The following CPSF3 variants were observed in gnomAD, a reference collection of about 807,000 sequenced individuals.
The protein encoded by CPSF3 is cleavage and polyadenylation specificity factor subunit 3.
CPSF3 carries 57 observed loss-of-function variants against 84.1 expected under a neutral mutation model. The ratio of observed to expected loss-of-function variants is 0.68; its 90% confidence interval spans 0.55 to 0.85. CPSF3 has a LOEUF of 0.85. CPSF3 is among the 40% of genes least tolerant of loss of function. CPSF3 has a pLI of 0.00. For missense variants in CPSF3, 522 were observed against 838.8 expected (o/e 0.62, Z 4.66); for synonymous variants, 275 against 278.1 (o/e 0.99, Z 0.11).
intron 4 of CPSF3, among the ~76,000 whole-genome samples, chr2:9,431,142 A>T (rs568025524): frequency 3.2e-4 from 48 of 151,996 alleles, no homozygotes; most frequent in Middle Eastern, 3.4e-3. Flanking sequence ...CTGCAGCCTC[A>T]GCCACCTGGG....
At chr2:9,446,580 CAAAA>C (rs71389245) in intron 10 of CPSF3, among the ~76,000 whole-genome samples, 1 of 89,154 alleles carries the variant, frequency 1.1e-5, no homozygotes. Context: ...GACTCGGTCT[CAAAA>C]AAAAAAAAAA....
intron 1 of CPSF3, chr2:9,424,255 C>G (rs1241345192): frequency 1.7e-5 from 17 of 989,764 alleles, no homozygotes; most frequent in Non-Finnish European, 1.9e-5. Flanking sequence ...AAGTCTGTTT[C>G]TTAACACCAG....
At position 9,432,629 on chromosome 2, in the gene CPSF3, T is replaced by TA. The variant is rs2148936357; in HGVS notation, c.461dup (p.Tyr154Ter). The part of the protein sequence containing the change: ...KEVAGIKFWC[Y>*]HAGHVLGAAM... ...AGTTGCGGGAATCAAGTTTTGGTGT[T>TA]ACCATGCAGGTCACGTCCTAGGAGC... The change falls in exon 5 of 18, where the codon TAC becomes TAAC. Residue 154 changes from tyrosine (Y) to a stop codon, truncating the protein, a stop_gained and frameshift_variant. Coordinates refer to ENST00000238112, the MANE Select transcript of CPSF3 (RefSeq NM_016207.4). LOFTEE classifies it high-confidence loss of function. 6.3e-7 allele frequency: 1 copy of TA among 1,584,450 alleles called. No homozygotes were observed. Among genetic ancestry groups the TA allele is most frequent in the East Asian group, 2.3e-5 (1 of 44,368 alleles).
At position 9,448,342 on chromosome 2, in the gene CPSF3, C is replaced by T; in HGVS notation, c.1387C>T (p.Leu463=). The T allele has an allele frequency of 2.5e-6, 4 of 1,611,260 alleles. No individual in the cohort carries two copies. Among genetic ancestry groups the T allele is most frequent in the Non-Finnish European group, 3.4e-6 (4 of 1,178,648 alleles). ...GACCTTAAACTTCAGAGGAGAAAAA[C>T]TAGCCAAGGTAAAAGGTTATGGTTC... is the stretch of plus-strand genomic sequence containing the variant. ...AVTLNFRGEK[L]AKVMGFLADK... Residue 463 remains leucine, a synonymous_variant, in exon 11 of 18, where the codon CTA becomes TTA. Coordinates refer to ENST00000238112, the MANE Select transcript of CPSF3 (RefSeq NM_016207.4).
rs181141404 is a variant in CPSF3, at chr2:9,436,927, C to T, written c.760+566C>T. 3.5e-3 allele frequency among the ~76,000 whole-genome samples: 539 copies of T among 151,968 alleles called. 5 individuals are homozygous for T. Among genetic ancestry groups the T allele is most frequent in the African/African-American group, 0.012 (510 of 41,438 alleles). The stretch of plus-strand genomic sequence containing the variant: ...ATGTGTACCCTTTGGCCAGCAGTTC[C>T]GCTTCTGGGAAATAAATGAGATGTA... On this transcript the variant is annotated intron_variant, in intron 7 of 17. Coordinates refer to ENST00000238112, the MANE Select transcript of CPSF3 (RefSeq NM_016207.4).
chr2:9,436,076 A>T (rs1281017436), intron 6 of CPSF3, 135 bp from the exon 7 acceptor site: 6 of 733,066 alleles, frequency 8.2e-6, no homozygotes, highest in Admixed American at 6.0e-5. Flanking sequence ...TACTATTATG[A>T]CAACACATGT....
intron 14 of CPSF3, among the ~76,000 whole-genome samples, chr2:9,457,957 C>G (rs1681588038): frequency 6.6e-6 from 1 of 151,994 alleles, no homozygotes; most frequent in Non-Finnish European, 1.5e-5. Context: ...GGTTTCACCA[C>G]ATTGGCCAGG....
intron 14 of CPSF3, 136 bp downstream of exon 14, chr2:9,457,163 G>T: frequency 2.2e-6 from 1 of 455,392 alleles, no homozygotes; most frequent in South Asian, 4.5e-5. Context: ...GTGTGTGTGT[G>T]TGTGTGTGTG....
At chr2:9,440,454 A>G in intron 7 of CPSF3, 37 bp from the exon 8 acceptor site, 3 of 1,580,868 alleles carry the variant, frequency 1.9e-6, no homozygotes, top group Non-Finnish European at 2.6e-6. Context: ...TACCCCATCT[A>G]ACAAAGTGAT....
At chr2:9,456,889 TA>T (rs1471493770) in intron 13 of CPSF3, 43 bp from the exon 14 acceptor site, 8 of 1,186,588 alleles carry the variant, frequency 6.7e-6, no homozygotes, top group Non-Finnish European at 9.7e-6. Flanking sequence ...TCTGGAAGAT[TA>T]TCAGAAAAGT....
At chr2:9,455,135 CTTT>C (rs5829212) in intron 12 of CPSF3, among the ~76,000 whole-genome samples, 1 of 135,544 alleles carries the variant, frequency 7.4e-6, no homozygotes. Flanking sequence ...ACATGAGGTG[CTTT>C]TTTTTTTTTT....
chr2:9,444,140 TTA>T (rs377440396), intron 10 of CPSF3, among the ~76,000 whole-genome samples: 7,190 of 129,678 alleles, frequency 0.055, 685 homozygotes, highest in African/African-American at 0.19. Flanking sequence ...AATATATATA[TTA>T]TATATATATA....
intron 15 of CPSF3, among the ~76,000 whole-genome samples, chr2:9,464,518 C>G (rs1681836687): frequency 6.6e-6 from 1 of 151,502 alleles, no homozygotes; most frequent in African/African-American, 2.4e-5. Context: ...GTATAAAATT[C>G]TGTTATATAG....
rs761517160 is a variant in CPSF3, at chr2:9,428,769, G to A, written c.55G>A (p.Ala19Thr). ...TCTCCCCTTGAATATTTACAGTGGAGCTGGGCAAGAAGTAGGAAGATCATG... is the reference window on the plus strand; with the variant it reads ...TCTCCCCTTGAATATTTACAGTGGAACTGGGCAAGAAGTAGGAAGATCATG... ...SDQLLIRPLG[A>T]GQEVGRSCII... The change falls in exon 2 of 18, where the codon GCT becomes ACT. Residue 19 changes from alanine (A) to threonine (T), a missense_variant. Physicochemically the swap from Ala to Thr is moderately conservative, Grantham distance 58. Coordinates refer to ENST00000238112, the MANE Select transcript of CPSF3 (RefSeq NM_016207.4). 1 of 1,603,660 alleles carries A rather than the reference G, an allele frequency of 6.2e-7. No homozygotes were observed. The highest frequency in any genetic ancestry group is 8.5e-7 in the Non-Finnish European group (1 of 1,170,964).
chr2:9,445,170 C>T (rs1041937948), intron 10 of CPSF3, among the ~76,000 whole-genome samples: 1 of 152,162 alleles, frequency 6.6e-6, no homozygotes, highest in Non-Finnish European at 1.5e-5. Flanking sequence ...CATTCCCTTC[C>T]GCCAACCCTG....
chr2:9,452,692 G>A (rs543546506), intron 11 of CPSF3, among the ~76,000 whole-genome samples: 1 of 152,318 alleles, frequency 6.6e-6, no homozygotes, highest in South Asian at 2.1e-4. Flanking sequence ...GAACTGAACT[G>A]TGCCAGATCT....
intron 13 of CPSF3, among the ~76,000 whole-genome samples, 153 bp from the exon 14 acceptor site, chr2:9,456,780 G>A (rs55783599): frequency 0.069 from 10,497 of 152,216 alleles, 1,243 homozygotes; most frequent in African/African-American, 0.24. Flanking sequence ...TTCCGTTGCT[G>A]TACTTTGCTG....
chr2:9,461,743 CTTTTTTTT>C (rs530424404), intron 15 of CPSF3, among the ~76,000 whole-genome samples: 6 of 105,280 alleles, frequency 5.7e-5, no homozygotes, highest in Admixed American at 5.5e-4. Context: ...GAAGGAGGAT[CTTTTTTTT>C]TTTTTTTTTT....
At chr2:9,454,294 G>C (rs1014852267) in intron 12 of CPSF3, among the ~76,000 whole-genome samples, 1 of 152,090 alleles carries the variant, frequency 6.6e-6, no homozygotes, top group African/African-American at 2.4e-5. Context: ...TGTAGTCCCA[G>C]CTACTTGGGA....
Sources: allele counts gnomAD v4.1 joint callset (sites outside exome capture counted in the v4.1 genomes callset), GRCh38; gene constraint gnomAD v4.1.1; transcripts MANE v1.5; gene names NCBI Gene and HGNC (gene_info 2026-07-23, HGNC 2026-07-21).